PLXNC1: variants seen among roughly 807,000 people sequenced by gnomAD.
PLXNC1 encodes plexin C1, also known as plexin-C1.
A neutral mutation model predicts 178.2 loss-of-function variants in PLXNC1; 75 were observed. The observed-to-expected ratio is 0.42, with a 90% CI of 0.35 to 0.51. The LOEUF is 0.51. Among genes scored for constraint, PLXNC1 ranks in the 20% least tolerant of loss-of-function variants. PLXNC1 has a pLI of 0.02. For missense variants in PLXNC1, 1,503 were observed against 1,984.4 expected (o/e 0.76, Z 4.61); for synonymous variants, 790 against 779.9 (o/e 1.01, Z -0.22).
At chr12:94,178,144 C>G (rs1004923550) in intron 2 of PLXNC1, among the ~76,000 whole-genome samples, 1 of 152,194 alleles carries the variant, frequency 6.6e-6, no homozygotes, top group African/African-American at 2.4e-5. Context: ...TCCTCCCTTA[C>G]TTTTATTCCC....
intron 2 of PLXNC1, among the ~76,000 whole-genome samples, chr12:94,176,216 C>T (rs1237863046): frequency 1.3e-5 from 2 of 152,130 alleles, no homozygotes; most frequent in Non-Finnish European, 2.9e-5. Context: ...CCGAGGCTGC[C>T]CACCTAAACT....
Position 94,304,058 on chromosome 12 carries a change from T to C in PLXNC1, c.4602+7T>C, listed in dbSNP as rs760213141. 8 of 1,474,186 alleles carry C rather than the reference T, an allele frequency of 5.4e-6. No homozygotes were observed. The highest frequency in any genetic ancestry group is 7.6e-6 in the Non-Finnish European group (8 of 1,057,504). The allele number at this position is 1,474,186 out of a possible 1,614,324, so 91.3% of individuals were successfully genotyped here. ...CGTAAAATATTTTGATGAGGTAAGA[T>C]TTTAAATAACATTGTTTTTAACCTT... is the stretch of plus-strand genomic sequence containing the variant. On this transcript the variant is annotated splice_region_variant and intron_variant, in intron 30 of 30. Transcript: ENST00000258526.
At chr12:94,195,096 G>A (rs1028503357) in intron 4 of PLXNC1, among the ~76,000 whole-genome samples, 6 of 152,108 alleles carry the variant, frequency 3.9e-5, no homozygotes, top group African/African-American at 1.2e-4. Context: ...GGAAGTGGGT[G>A]GAGATGCTGG....
intron 11 of PLXNC1, among the ~76,000 whole-genome samples, chr12:94,241,701 T>C (rs1286615578): frequency 6.6e-6 from 1 of 152,188 alleles, no homozygotes; most frequent in Non-Finnish European, 1.5e-5. Flanking sequence ...TCTCATTCTT[T>C]TTTGTATGCT....
At chr12:94,189,130 C>T (rs145107991) in intron 4 of PLXNC1, among the ~76,000 whole-genome samples, 180 of 152,332 alleles carry the variant, frequency 1.2e-3, no homozygotes, top group Non-Finnish European at 2.0e-3. Flanking sequence ...AAGCTGCGTT[C>T]AGCTTTGGTG....
Position 94,305,271 on chromosome 12 carries a change from T to G in PLXNC1, c.4693T>G (p.Cys1565Gly). ...AGTCTTATTTGATGAAAAGAAGAAA[T>G]GCAAGTGGATGTAAGCACTCTGGGG... Reference protein sequence around the residue: ...VKVLFDEKKKCKWM With the variant: ...VKVLFDEKKKGKWM The change falls in exon 31 of 31, where the codon TGC becomes GGC. Residue 1565 changes from cysteine to glycine, a missense_variant. This residue lies in a region of PLXNC1 where 639 missense variants were observed against 979.7 expected (regional missense o/e 0.65). Coordinates refer to ENST00000258526, the MANE Select transcript of PLXNC1 (RefSeq NM_005761.3). 6.2e-7 allele frequency: 1 copy of G among 1,606,766 alleles called. No homozygotes were observed. The highest frequency in any genetic ancestry group is 1.3e-5 in the African/African-American group (1 of 74,748).
chr12:94,305,262 A>G lies in PLXNC1; in HGVS notation c.4684A>G (p.Lys1562Glu). ...LLHVKVLFDEKKKCKWM is the reference protein window; with the variant it reads ...LLHVKVLFDEEKKCKWM ...GCATGTAAAAGTCTTATTTGATGAAAAGAAGAAATGCAAGTGGATGTAAGC... is the reference window on the plus strand; with the variant it reads ...GCATGTAAAAGTCTTATTTGATGAAGAGAAGAAATGCAAGTGGATGTAAGC... Residue 1562 changes from lysine to glutamate, a missense_variant, in exon 31 of 31, where the codon AAG (lysine) becomes GAG (glutamate). This residue lies in a region of PLXNC1 where 639 missense variants were observed against 979.7 expected (regional missense o/e 0.65). Transcript: ENST00000258526. 1 of 1,610,230 alleles carries G rather than the reference A, an allele frequency of 6.2e-7. No homozygotes were observed. Among genetic ancestry groups the G allele is most frequent in the Non-Finnish European group, 8.5e-7 (1 of 1,177,290 alleles).
chr12:94,171,851 G>A (rs1961857696), intron 2 of PLXNC1, among the ~76,000 whole-genome samples: 1 of 152,080 alleles, frequency 6.6e-6, no homozygotes, highest in African/African-American at 2.4e-5. Context: ...CAATAAGAGA[G>A]AAGTTCTCTC....
chr12:94,301,551 A>G (rs539871396), intron 28 of PLXNC1, among the ~76,000 whole-genome samples: 107 of 152,352 alleles, frequency 7.0e-4, no homozygotes, highest in African/African-American at 2.6e-3. Flanking sequence ...GCTGATCAAT[A>G]GTCCCAAGAA....
At chr12:94,174,324 A>C (rs1156313533) in intron 2 of PLXNC1, among the ~76,000 whole-genome samples, 1 of 151,858 alleles carries the variant, frequency 6.6e-6, no homozygotes, top group Non-Finnish European at 1.5e-5. Flanking sequence ...AGCTGGGACT[A>C]CAGACCTGTG....
chr12:94,238,250 G>A (rs7958289), intron 10 of PLXNC1, among the ~76,000 whole-genome samples: 10,141 of 152,142 alleles, frequency 0.067, 467 homozygotes, highest in African/African-American at 0.13. Flanking sequence ...ATTTTATGTG[G>A]ACATTTTATT....
intron 23 of PLXNC1, among the ~76,000 whole-genome samples, chr12:94,287,562 C>G (rs954168417): frequency 2.0e-5 from 3 of 151,532 alleles, no homozygotes; most frequent in Middle Eastern, 3.4e-3. Context: ...GATTACACTT[C>G]GAGTTCTGAG....
chr12:94,305,137 G>T lies in PLXNC1; in HGVS notation c.4603-44G>T, dbSNP rs370268762. On this transcript the variant is annotated intron_variant, in intron 30 of 30. Coordinates refer to ENST00000258526, the MANE Select transcript of PLXNC1 (RefSeq NM_005761.3). ...GGTATGCAAAAAACAGAATTGTAAC[G>T]CTAAAACCACAATATCTAAAATAAC... is the stretch of plus-strand genomic sequence containing the variant. The T allele has an allele frequency of 2.3e-6, 3 of 1,320,530 alleles. No individual in the cohort carries two copies. The African/African-American group carries it at 4.4e-5, about 19-fold the overall frequency. 81.8% of individuals were successfully genotyped at this position (1,320,530 alleles called of 1,614,324 possible). A position where few individuals can be genotyped will look rare whatever the true frequency, so the allele number is the denominator to read the frequency against.
chr12:94,279,945 A>G, intron 22 of PLXNC1: 1 of 490,774 alleles, frequency 2.0e-6, no homozygotes, highest in Non-Finnish European at 3.8e-6. Context: ...ACTGCACGGA[A>G]TCACCTTGCA....
At chr12:94,264,948 C>T (rs1043871172) in intron 20 of PLXNC1, 131 bp from the exon 21 acceptor site, 16 of 906,274 alleles carry the variant, frequency 1.8e-5, no homozygotes, top group Non-Finnish European at 2.6e-5. Flanking sequence ...CGTGTATTTT[C>T]TTGGGCGTTT....
chr12:94,275,527 C>A (rs1233082789), intron 21 of PLXNC1, among the ~76,000 whole-genome samples: 2 of 152,176 alleles, frequency 1.3e-5, no homozygotes, highest in Non-Finnish European at 2.9e-5. Context: ...AAGAGGCTGA[C>A]CCCAAGGGCC....
Position 94,232,099 on chromosome 12 carries a change from C to G in PLXNC1, c.1980+4864C>G, listed in dbSNP as rs189989811. On this transcript the variant is annotated intron_variant, in intron 9 of 30. Coordinates refer to ENST00000258526, the MANE Select transcript of PLXNC1 (RefSeq NM_005761.3). ...TCTCTTCCTCCATCACTTCTTCCCCCCTCCGAGATGGAGTTTCACTCTTGT... is the reference window on the plus strand; with the variant it reads ...TCTCTTCCTCCATCACTTCTTCCCCGCTCCGAGATGGAGTTTCACTCTTGT... Among the ~76,000 whole-genome samples, 200 of 152,236 alleles carry G rather than the reference C, an allele frequency of 1.3e-3. 2 individuals are homozygous for G. Among genetic ancestry groups the G allele is most frequent in the Admixed American group, 0.011 (168 of 15,288 alleles).
chr12:94,207,206 G>A (rs1052641583), intron 4 of PLXNC1, among the ~76,000 whole-genome samples: 1 of 152,098 alleles, frequency 6.6e-6, no homozygotes. Context: ...CAAAGAATAG[G>A]AGTTCAGAGG....
intron 4 of PLXNC1, among the ~76,000 whole-genome samples, chr12:94,195,670 G>T (rs1565804334): frequency 6.6e-6 from 1 of 152,178 alleles, no homozygotes; most frequent in African/African-American, 2.4e-5. Flanking sequence ...CATGTTGACA[G>T]TTGGAAGACC....
Sources: gnomAD v4.1 joint callset for allele counts (sites outside exome capture counted in the v4.1 genomes callset) on GRCh38, gnomAD v4.1.1 for gene constraint, gnomAD v4.1.1 regional missense constraint, MANE v1.5 for transcripts, NCBI Gene and HGNC (gene_info 2026-07-23, HGNC 2026-07-21) for gene names.